Variants in TRUB1 observed in about 807,000 individuals in gnomAD.
TRUB1 encodes pseudouridylate synthase TRUB1.
A neutral mutation model predicts 33.9 loss-of-function variants in TRUB1; 23 were observed. The ratio of observed to expected loss-of-function variants is 0.68; its 90% CI spans 0.49 to 0.96. The LOEUF (loss-of-function observed/expected upper bound fraction) is 0.96. TRUB1 is among the 40% of genes least tolerant of loss of function. TRUB1 has a pLI of 0.00. For synonymous variants in TRUB1, 163 were observed against 165.4 expected, an observed-to-expected ratio of 0.99 and a Z score of 0.11; for missense variants, 378 against 422.2, an observed-to-expected ratio of 0.90 and a Z score of 0.92.
intron 2 of TRUB1, among the ~76,000 whole-genome samples, chr10:114,949,836 C>G (rs748405473): frequency 6.7e-6 from 1 of 149,880 alleles, no homozygotes; most frequent in Non-Finnish European, 1.5e-5. Flanking sequence ...GGACAAAGTT[C>G]TTAGTCTCTT....
At chr10:114,940,971 T>G (rs1251158190) in intron 1 of TRUB1, among the ~76,000 whole-genome samples, 2 of 152,190 alleles carry the variant, frequency 1.3e-5, no homozygotes, top group African/African-American at 4.8e-5. Context: ...TCTGACTCAG[T>G]AGAGTGGTAA....
chr10:114,969,464 A>G (rs2084325428), intron 4 of TRUB1: 1 of 151,630 alleles, frequency 6.6e-6, no homozygotes, highest in South Asian at 2.1e-4. Flanking sequence ...TAAAAATAAA[A>G]TATGGAACAC....
At chr10:114,942,799 C>A in intron 2 of TRUB1, 56 bp downstream of exon 2, 1 of 1,158,084 alleles carries the variant, frequency 8.6e-7, no homozygotes, top group Non-Finnish European at 1.3e-6. Flanking sequence ...CAGAAAGAAA[C>A]ACTGGTTGAG....
intron 3 of TRUB1, among the ~76,000 whole-genome samples, chr10:114,951,799 C>G (rs1035850241): frequency 2.6e-5 from 4 of 152,044 alleles, no homozygotes; most frequent in Non-Finnish European, 5.9e-5. Flanking sequence ...AGTGCTGGGA[C>G]TAAGGGTCAA....
At chr10:114,958,512 C>T (rs2084270936) in intron 3 of TRUB1, among the ~76,000 whole-genome samples, 1 of 152,148 alleles carries the variant, frequency 6.6e-6, no homozygotes, top group Non-Finnish European at 1.5e-5. Context: ...GGTCCCTTCA[C>T]TAGCCTCATA....
In TRUB1 at chr10:114,975,277, A is replaced by G. The variant is rs1415247382; in HGVS notation, c.948A>G (p.Ala316=). ...CATCTCTTTTCCCAGCAGAGTTGGC[A>G]CTTAAAAAATCAAAACCTGAGTCTA... is the stretch of plus-strand genomic sequence containing the variant. ...HCSSLFPAEL[A]LKKSKPESNE... Residue 316 remains alanine, a synonymous_variant, in exon 8 of 8, where the codon GCA becomes GCG. Transcript: ENST00000298746. 1.8e-5 allele frequency: 29 copies of G among 1,613,528 alleles called. No individual in the cohort carries two copies. The highest frequency in any genetic ancestry group is 2.2e-5 in the Non-Finnish European group (26 of 1,179,704).
At chr10:114,951,302 A>G (rs955392167) in intron 3 of TRUB1, among the ~76,000 whole-genome samples, 153 bp downstream of exon 3, 2 of 152,224 alleles carry the variant, frequency 1.3e-5, no homozygotes, top group Non-Finnish European at 2.9e-5. Flanking sequence ...CTGAGATTGA[A>G]AATATCGAGA....
rs570509951 is a variant in TRUB1, at chr10:114,959,779, G to A, written c.495G>A (p.Thr165=). Residue 165 remains threonine (T), a synonymous_variant, in exon 4 of 8, where the codon ACG becomes ACA. Coordinates refer to ENST00000298746, the MANE Select transcript of TRUB1 (RefSeq NM_139169.5). Reference sequence around the variant, plus strand: ...AAGCTACTGATACACTAGATTCTACGGGGAGGGTAACAGAAGAAAAACCTT... The same window carrying A: ...AAGCTACTGATACACTAGATTCTACAGGGAGGGTAACAGAAGAAAAACCTT... ...LGKATDTLDS[T]GRVTEEKPYD... is the part of the protein sequence containing the mutation. The A allele has an allele frequency of 5.3e-5, 85 of 1,608,466 alleles. No individual in the cohort carries two copies. The East Asian group carries it at 1.2e-3, about 23-fold the overall frequency.
chr10:114,956,562 C>G (rs566916279), intron 3 of TRUB1, among the ~76,000 whole-genome samples: 1 of 152,230 alleles, frequency 6.6e-6, no homozygotes, highest in Admixed American at 6.5e-5. Context: ...GATGCCAGGA[C>G]AAGGGAAAGC....
chr10:114,938,960 A>G (rs780449287), intron 1 of TRUB1, among the ~76,000 whole-genome samples: 4 of 152,194 alleles, frequency 2.6e-5, no homozygotes, highest in South Asian at 2.1e-4. Flanking sequence ...AAGACTTAAT[A>G]TAGTCGTTTT....
chr10:114,944,902 T>C (rs2084205049), intron 2 of TRUB1, among the ~76,000 whole-genome samples: 1 of 152,092 alleles, frequency 6.6e-6, no homozygotes, highest in African/African-American at 2.4e-5. Context: ...GGAGGATCAC[T>C]GGAGCCTGGG....
rs181701579 is a variant in TRUB1 at position 114,953,832 on chromosome 10, G to A, written c.441+2683G>A. Among the ~76,000 whole-genome samples the A allele has an allele frequency of 3.7e-3, 560 of 152,230 alleles. 4 individuals carry two copies. Among genetic ancestry groups the A allele is most frequent in the African/African-American group, 0.013 (526 of 41,526 alleles). ...GAGAGGGAGTGACAGAGAGAGAGGC[G>A]GAGGTGCCAGGCTCTTTTAAACAGC... On this transcript the variant is annotated intron_variant, in intron 3 of 7. Coordinates refer to ENST00000298746, the MANE Select transcript of TRUB1 (RefSeq NM_139169.5).
intron 4 of TRUB1, among the ~76,000 whole-genome samples, chr10:114,964,619 A>C (rs1420778890): frequency 6.6e-6 from 1 of 152,056 alleles, no homozygotes; most frequent in African/African-American, 2.4e-5. Flanking sequence ...TAAAAGTGTG[A>C]AGATATTTTC....
In TRUB1 at chr10:114,938,358, G is replaced by A. The variant is rs757537120; in HGVS notation, c.105G>A (p.Pro35=). 4.3e-6 allele frequency: 7 copies of A among 1,610,920 alleles called. No individual in the cohort carries two copies. The highest frequency in any genetic ancestry group is 1.7e-5 in the Admixed American group (1 of 59,184). The change falls in exon 1 of 8, where the codon CCG becomes CCA. Residue 35 remains proline (P), a synonymous_variant. Coordinates refer to ENST00000298746, the MANE Select transcript of TRUB1 (RefSeq NM_139169.5). ...CGGTCGCAGCAATGGCTGCGACCCC[G>A]TCAGCAAGGGCTGCAGCCGCGGTGG... The part of the protein sequence containing the change: ...AGTVAAMAAT[P]SARAAAAVVA...
At chr10:114,948,811 T>C (rs774928513) in intron 2 of TRUB1, among the ~76,000 whole-genome samples, 3 of 152,216 alleles carry the variant, frequency 2.0e-5, no homozygotes, top group Non-Finnish European at 4.4e-5. Context: ...AAGTCAAACA[T>C]GTCAGTCTGC....
intron 6 of TRUB1, 54 bp from the exon 7 acceptor site, chr10:114,974,275 A>T: frequency 7.5e-7 from 1 of 1,340,552 alleles, no homozygotes; most frequent in Non-Finnish European, 1.1e-6. Context: ...ATTTCTATGT[A>T]AAGTGGATTT....
intron 3 of TRUB1, 134 bp downstream of exon 3, chr10:114,951,283 T>G: frequency 1.8e-6 from 1 of 566,184 alleles, no homozygotes; most frequent in Non-Finnish European, 3.0e-6. Context: ...ATTATGTCTA[T>G]AAACATATCT....
chr10:114,974,131 T>A (rs908378364), intron 6 of TRUB1, among the ~76,000 whole-genome samples, 198 bp from the exon 7 acceptor site: 6 of 152,202 alleles, frequency 3.9e-5, no homozygotes, highest in African/African-American at 1.4e-4. Context: ...TTGTGCTGTT[T>A]GCTTTCTCCA....
At chr10:114,962,183 G>A (rs141136626) in intron 4 of TRUB1, among the ~76,000 whole-genome samples, 79 of 152,272 alleles carry the variant, frequency 5.2e-4, no homozygotes, top group African/African-American at 1.9e-3. Flanking sequence ...AGCCTCCTGA[G>A]TAGCTGGGAC....
Sources: gnomAD v4.1 joint callset for allele counts (sites outside exome capture counted in the v4.1 genomes callset) on GRCh38, gnomAD v4.1.1 for gene constraint, MANE v1.5 for transcripts, NCBI Gene and HGNC (gene_info 2026-07-23, HGNC 2026-07-21) for gene names.